The following USP45 variants were observed in gnomAD, a reference collection of about 807,000 sequenced individuals.
USP45 encodes the protein ubiquitin specific peptidase 45, also known as ubiquitin carboxyl-terminal hydrolase 45.
Under a neutral mutation model 95.8 loss-of-function variants are expected in USP45, and 89 were observed. That is an observed-to-expected ratio of 0.93 (90% CI 0.78 to 1.11). The LOEUF (loss-of-function observed/expected upper bound fraction) is 1.11. USP45 is among the 50% of genes least tolerant of loss of function. USP45 has a pLI of 0.00. For missense variants in USP45, 898 were observed against 942.5 expected (o/e 0.95, Z 0.62); for synonymous variants, 281 against 316.2 (o/e 0.89, Z 1.18).
At chr6:99,467,155 G>A (rs181743271) in intron 10 of USP45, among the ~76,000 whole-genome samples, 3 of 152,114 alleles carry the variant, frequency 2.0e-5, no homozygotes, top group East Asian at 3.9e-4. Context: ...AATAACAGTC[G>A]TAAAAGGCAA....
chr6:99,503,468 ATTACAGGCATG>A (rs543229311), intron 5 of USP45, among the ~76,000 whole-genome samples: 279 of 152,036 alleles, frequency 1.8e-3, no homozygotes, highest in Non-Finnish European at 2.9e-3. Context: ...AGTAGCTGGG[ATTACAGGCATG>A]TGCTACCGTA....
chr6:99,481,577 T>G (rs931306991), intron 8 of USP45, among the ~76,000 whole-genome samples: 2 of 152,204 alleles, frequency 1.3e-5, no homozygotes, highest in Non-Finnish European at 2.9e-5. Context: ...GGGTATATTG[T>G]GTGATGCAAA....
At chr6:99,452,727 C>T (rs1013661090) in intron 13 of USP45, among the ~76,000 whole-genome samples, 5 of 152,132 alleles carry the variant, frequency 3.3e-5, no homozygotes, top group African/African-American at 7.2e-5. Context: ...CACATGCACA[C>T]GTATGTTTAT....
intron 6 of USP45, 79 bp from the exon 7 acceptor site, chr6:99,488,374 A>C: frequency 1.1e-6 from 1 of 920,924 alleles, no homozygotes; most frequent in Non-Finnish European, 1.6e-6. Flanking sequence ...CTCAAATTTC[A>C]TCTAGCATAG....
intron 5 of USP45, among the ~76,000 whole-genome samples, chr6:99,491,184 A>G (rs1228301558): frequency 6.6e-6 from 1 of 152,246 alleles, no homozygotes; most frequent in South Asian, 2.1e-4. Flanking sequence ...GGCAAAGGCC[A>G]GCACAATCAA....
At chr6:99,462,824 A>T (rs2128619600) in intron 13 of USP45, 1 of 350,132 alleles carries the variant, frequency 2.9e-6, no homozygotes, top group Middle Eastern at 1.4e-3. Flanking sequence ...CTCTACAAAA[A>T]ATAACAAAAA....
intron 15 of USP45, among the ~76,000 whole-genome samples, chr6:99,441,737 G>A (rs914375599): frequency 3.3e-5 from 5 of 152,106 alleles, no homozygotes; most frequent in Non-Finnish European, 5.9e-5. Context: ...TTGCTGGGAA[G>A]GATGGACCTT....
intron 2 of USP45, among the ~76,000 whole-genome samples, chr6:99,509,871 T>TC (rs1799389618): frequency 6.6e-6 from 1 of 152,102 alleles, no homozygotes; most frequent in Non-Finnish European, 1.5e-5. Flanking sequence ...TTCTAGGACC[T>TC]CCCCACATAT....
intron 8 of USP45, among the ~76,000 whole-genome samples, chr6:99,480,231 AC>A (rs1453905367): frequency 1.3e-5 from 2 of 152,144 alleles, no homozygotes; most frequent in Non-Finnish European, 2.9e-5. Context: ...AAAACTATAC[AC>A]CCTTGATGAG....
chr6:99,516,921 T>C (rs1801151913), upstream of USP45, among the ~76,000 whole-genome samples: 1 of 152,174 alleles, frequency 6.6e-6, no homozygotes, highest in Non-Finnish European at 1.5e-5. Context: ...ATTATGGAAA[T>C]TTAGGTTCTT....
At chr6:99,495,704 T>C (rs1796144699) in intron 5 of USP45, among the ~76,000 whole-genome samples, 1 of 152,216 alleles carries the variant, frequency 6.6e-6, no homozygotes, top group African/African-American at 2.4e-5. Flanking sequence ...GTGATATGAA[T>C]AGCAAAGCCA....
chr6:99,461,644 CTTCATA>C, intron 13 of USP45: 2 of 983,416 alleles, frequency 2.0e-6, no homozygotes, highest in Non-Finnish European at 1.2e-6. Flanking sequence ...TTTTATCATT[CTTCATA>C]TTAAGTTTTT....
intron 16 of USP45, among the ~76,000 whole-genome samples, chr6:99,438,405 G>A (rs1428729694): frequency 2.6e-5 from 4 of 152,146 alleles, no homozygotes; most frequent in East Asian, 1.9e-4. Context: ...AGGGGAAGGA[G>A]CAAACAGGTA....
chr6:99,510,014 A>G, intron 2 of USP45, 107 bp downstream of exon 2: 1 of 836,804 alleles, frequency 1.2e-6, no homozygotes, highest in Admixed American at 2.2e-5. Context: ...GTGGAAAAAA[A>G]TTTGTGTACA....
intron 5 of USP45, 48 bp downstream of exon 5, chr6:99,503,717 G>A: frequency 8.0e-7 from 1 of 1,257,820 alleles, no homozygotes; most frequent in Non-Finnish European, 1.1e-6. Flanking sequence ...AACTCTATAT[G>A]AAATACTGTA....
At chr6:99,471,470 A>G (rs1789386575) in intron 9 of USP45, among the ~76,000 whole-genome samples, 2 of 152,336 alleles carry the variant, frequency 1.3e-5, no homozygotes, top group African/African-American at 4.8e-5. Flanking sequence ...TACAGTAATA[A>G]ATCTTGAAGA....
chr6:99,454,906 G>A (rs1456516827), intron 13 of USP45, among the ~76,000 whole-genome samples: 1 of 151,724 alleles, frequency 6.6e-6, no homozygotes, highest in African/African-American at 2.4e-5. Context: ...GGCCAACATG[G>A]TGAAAACCCT....
intron 13 of USP45, among the ~76,000 whole-genome samples, chr6:99,448,294 A>G (rs144095061): frequency 6.6e-6 from 1 of 152,330 alleles, no homozygotes; most frequent in Non-Finnish European, 1.5e-5. Context: ...AAACCTTGAA[A>G]AAAGATTAGA....
chr6:99,476,771 T>A (rs1790984330), intron 8 of USP45, among the ~76,000 whole-genome samples: 2 of 152,248 alleles, frequency 1.3e-5, no homozygotes, highest in Admixed American at 1.3e-4. Flanking sequence ...CACTGTGATT[T>A]ATTATCTTCC....
Sources: allele counts gnomAD v4.1 joint callset (sites outside exome capture counted in the v4.1 genomes callset), GRCh38; gene constraint gnomAD v4.1.1; transcripts MANE v1.5; gene names NCBI Gene and HGNC (gene_info 2026-07-23, HGNC 2026-07-21).